PKD2L1: variants seen among roughly 807,000 people sequenced by gnomAD.
PKD2L1 encodes polycystin-2-like protein 1.
PKD2L1 carries 77 observed loss-of-function variants against 93.0 expected under a neutral mutation model. That is an observed-to-expected ratio of 0.83 (90% confidence interval 0.69 to 1.00). The LOEUF (loss-of-function observed/expected upper bound fraction) is 1.00, where lower values mean the gene tolerates loss of function less well. PKD2L1 is among the 50% of genes least tolerant of loss of function. PKD2L1 has a pLI of 0.00. For missense variants in PKD2L1, 977 were observed against 990.9 expected (o/e 0.99, Z 0.19); for synonymous variants, 390 against 388.0 (o/e 1.01, Z -0.06).
Position 100,290,434 on chromosome 10 carries a change from G to A in PKD2L1, c.2093C>T (p.Ala698Val), listed in dbSNP as rs1252235346. The change falls in exon 13 of 16, where the codon GCA (alanine) becomes GTA (valine). Residue 698 changes from alanine to valine, a missense_variant. Ala to Val is a moderately conservative substitution (Grantham distance 64, BLOSUM62 0). Transcript: ENST00000318222. ...TTCTTCTCCTGAAACCCAGCCTCCT[G>A]CTCTGGCAGCCTCTGGACCCGATTT... ...QGKSGPEAAR[A>V]GGWVSGEEFY... The A allele has an allele frequency of 5.0e-6, 8 of 1,613,326 alleles. No individual in the cohort carries two copies. Among genetic ancestry groups the A allele is most frequent in the Non-Finnish European group, 6.8e-6 (8 of 1,179,718 alleles).
rs560751603 is a variant in PKD2L1, at chr10:100,314,066, A to T, written c.350-14348T>A. Reference sequence around the variant, plus strand: ...CCAGGCTGGTCTTAAACTCCTGGACACAAGCAATCCTCCCACAGACTGCTG... The same window carrying T: ...CCAGGCTGGTCTTAAACTCCTGGACTCAAGCAATCCTCCCACAGACTGCTG... On this transcript the variant is annotated intron_variant, in intron 2 of 15. Transcript: ENST00000318222. 4.6e-5 allele frequency among the ~76,000 whole-genome samples: 7 copies of T among 152,314 alleles called. No individual in the cohort carries two copies. The South Asian group carries it at 6.2e-4, about 14-fold the overall frequency.
intron 2 of PKD2L1, among the ~76,000 whole-genome samples, chr10:100,315,523 G>A (rs1445900774): frequency 1.3e-5 from 2 of 152,110 alleles, no homozygotes; most frequent in African/African-American, 4.8e-5. Flanking sequence ...GAGAGCATGC[G>A]ATGTTTGGTT....
chr10:100,306,524 G>C (rs2133553508), intron 2 of PKD2L1, among the ~76,000 whole-genome samples: 1 of 152,186 alleles, frequency 6.6e-6, no homozygotes, highest in East Asian at 1.9e-4. Flanking sequence ...AGTTATGTAA[G>C]GGGATCACAT....
chr10:100,296,976 T>G lies in PKD2L1; in HGVS notation c.1185+4A>C. 1 of 1,598,456 alleles carries G rather than the reference T, an allele frequency of 6.3e-7. No individual in the cohort carries two copies. The highest frequency in any genetic ancestry group is 8.6e-7 in the Non-Finnish European group (1 of 1,165,852). On this transcript the variant is annotated splice_donor_region_variant and intron_variant, in intron 6 of 15. Coordinates refer to ENST00000318222, the MANE Select transcript of PKD2L1 (RefSeq NM_016112.3). ...GTCCCAAGTCCTAGATATCTGTCCC[T>G]CACCAAGATGACCACCAGGTCCAGT...
In PKD2L1 at chr10:100,296,186, A is replaced by G; in HGVS notation, c.1292T>C (p.Leu431Pro). The G allele has an allele frequency of 6.2e-7, 1 of 1,612,600 alleles. No individual in the cohort carries two copies. The highest frequency in any genetic ancestry group is 8.5e-7 in the Non-Finnish European group (1 of 1,179,402). ...GTTGTACTGTGTCTGCCAGAAGGCGAGGAACTCAAAGTCTGCATACGTGTT... is the reference window on the plus strand; with the variant it reads ...GTTGTACTGTGTCTGCCAGAAGGCGGGGAACTCAAAGTCTGCATACGTGTT... Reference protein sequence around the residue: ...QPNTYADFEFLAFWQTQYNNM... With the variant: ...QPNTYADFEFPAFWQTQYNNM... The change falls in exon 7 of 16, where the codon CTC (leucine) becomes CCC (proline). Residue 431 changes from leucine (L) to proline (P), a missense_variant. By Grantham distance (98) the Leu-to-Pro change is moderately conservative. Transcript: ENST00000318222.
chr10:100,321,747 GAAAGAAAGA>G lies in PKD2L1; in HGVS notation c.349+7455_349+7463del, dbSNP rs1564894501. ...AGAAAGAAAGAAAGAAAGAAAGAAAGAAAGAAAGAAGGGAGGGAGGGAGGGAGGGAGGGA... is the reference window on the plus strand; with the variant it reads ...AGAAAGAAAGAAAGAAAGAAAGAAAGAGGGAGGGAGGGAGGGAGGGAGGGA... On this transcript the variant is annotated intron_variant, in intron 2 of 15. Transcript: ENST00000318222. 2.8e-3 allele frequency among the ~76,000 whole-genome samples: 25 copies of G among 8,812 alleles called. 2 individuals are homozygous for G. The highest frequency in any genetic ancestry group is 4.3e-3 in the Non-Finnish European group (17 of 3,956). 5.8% of individuals were successfully genotyped at this position (8,812 alleles called of 152,430 possible).
At chr10:100,289,960 A>T in intron 14 of PKD2L1, 55 bp downstream of exon 14, 1 of 1,608,034 alleles carries the variant, frequency 6.2e-7, no homozygotes, top group East Asian at 2.2e-5. Flanking sequence ...TGAGTGGAAA[A>T]GATGGCAGAG....
intron 2 of PKD2L1, among the ~76,000 whole-genome samples, chr10:100,316,321 C>T (rs189356515): frequency 2.0e-4 from 31 of 152,300 alleles, no homozygotes; most frequent in South Asian, 1.9e-3. Flanking sequence ...TACCGGCATG[C>T]GCCACCACGC....
intron 2 of PKD2L1, among the ~76,000 whole-genome samples, chr10:100,306,855 CAAAAA>C (rs61413476): frequency 2.0e-5 from 1 of 49,890 alleles, no homozygotes; most frequent in Non-Finnish European, 3.2e-5. Flanking sequence ...GAGACCCTGT[CAAAAA>C]AAAAAAAAAA....
intron 2 of PKD2L1, among the ~76,000 whole-genome samples, chr10:100,316,606 C>T (rs1374126980): frequency 1.3e-5 from 2 of 152,238 alleles, no homozygotes; most frequent in East Asian, 1.9e-4. Context: ...CTAATAAGCT[C>T]TCTTTGTCTC....
intron 6 of PKD2L1, 33 bp downstream of exon 6, chr10:100,296,947 G>A (rs767482882): frequency 6.8e-7 from 1 of 1,462,794 alleles, no homozygotes. Context: ...CCTCACCCCA[G>A]AATGTCCCAA....
rs775844628 is a variant in PKD2L1, at chr10:100,297,581, A to G, written c.757T>C (p.Leu253=). ...TAWTYHSQDE[L]GGFSHWGRLT... The stretch of plus-strand genomic sequence containing the variant: ...CTGCCCCAGTGGGAGAAGCCCCCCA[A>G]CTCATCCTGCGAGTGGTATGTCCAC... Residue 253 remains leucine, a synonymous_variant, in exon 5 of 16, where the codon TTG becomes CTG. Coordinates refer to ENST00000318222, the MANE Select transcript of PKD2L1 (RefSeq NM_016112.3). The G allele has an allele frequency of 6.2e-6, 10 of 1,613,408 alleles. No individual in the cohort carries two copies. Among genetic ancestry groups the G allele is most frequent in the Non-Finnish European group, 8.5e-6 (10 of 1,179,888 alleles).
intron 6 of PKD2L1, among the ~76,000 whole-genome samples, 178 bp from the exon 7 acceptor site, chr10:100,296,470 C>A (rs1848542100): frequency 6.6e-6 from 1 of 152,140 alleles, no homozygotes; most frequent in South Asian, 2.1e-4. Flanking sequence ...TGGGGAGCAT[C>A]TTAAGTGTTC....
chr10:100,293,871 C>A (rs1848461697), intron 9 of PKD2L1, among the ~76,000 whole-genome samples: 1 of 152,166 alleles, frequency 6.6e-6, no homozygotes, highest in African/African-American at 2.4e-5. Flanking sequence ...CTTTGGGAGG[C>A]CAAGGCAGGC....
At position 100,296,961 on chromosome 10, in the gene PKD2L1, C is replaced by CT. The variant is rs1848553202; in HGVS notation, c.1185+18dup. 1 of 1,549,432 alleles carries CT rather than the reference C, an allele frequency of 6.5e-7. No homozygotes were observed. The highest frequency in any genetic ancestry group is 8.9e-7 in the Non-Finnish European group (1 of 1,121,874). ...TCCTCACCCCAGAATGTCCCAAGTC[C>CT]TAGATATCTGTCCCTCACCAAGATG... On this transcript the variant is annotated intron_variant, in intron 6 of 15. Coordinates refer to ENST00000318222, the MANE Select transcript of PKD2L1 (RefSeq NM_016112.3).
chr10:100,326,957 A>G (rs1051052605), intron 2 of PKD2L1, among the ~76,000 whole-genome samples: 1 of 152,222 alleles, frequency 6.6e-6, no homozygotes, highest in African/African-American at 2.4e-5. Context: ...AGAACAGATG[A>G]CCAAGGGCAA....
At position 100,290,390 on chromosome 10, in the gene PKD2L1, G is replaced by A; in HGVS notation, c.2126+11C>T. The A allele has an allele frequency of 7.0e-6, 11 of 1,567,694 alleles. No homozygotes were observed. The highest frequency in any genetic ancestry group is 9.7e-6 in the Non-Finnish European group (11 of 1,139,610). ...GCCAGCCCTGAACCAGCCTTTCTTGGCTGCACGTACATGTAGAATTCTTCT... is the reference window on the plus strand; with the variant it reads ...GCCAGCCCTGAACCAGCCTTTCTTGACTGCACGTACATGTAGAATTCTTCT... On this transcript the variant is annotated intron_variant, in intron 13 of 15. Coordinates refer to ENST00000318222, the MANE Select transcript of PKD2L1 (RefSeq NM_016112.3).
chr10:100,306,428 C>T (rs17112901), intron 2 of PKD2L1, among the ~76,000 whole-genome samples: 26,062 of 152,110 alleles, frequency 0.17, 2,659 homozygotes, highest in African/African-American at 0.29. Flanking sequence ...CTCAAGATGA[C>T]TTACAAACTA....
At chr10:100,306,189 C>T (rs1454093790) in intron 2 of PKD2L1, among the ~76,000 whole-genome samples, 1 of 152,100 alleles carries the variant, frequency 6.6e-6, no homozygotes, top group Admixed American at 6.5e-5. Context: ...AGGTGGGGCT[C>T]AACAATTTGC....
Sources: gnomAD v4.1 joint callset for allele counts (sites outside exome capture counted in the v4.1 genomes callset) on GRCh38, gnomAD v4.1.1 for gene constraint, MANE v1.5 for transcripts, NCBI Gene and HGNC (gene_info 2026-07-23, HGNC 2026-07-21) for gene names.